MAP9: variants seen among roughly 807,000 people sequenced by gnomAD.
MAP9 encodes microtubule-associated protein 9.
MAP9 carries 80 observed loss-of-function variants against 75.2 expected under a neutral mutation model. That is an observed-to-expected ratio of 1.06 (90% CI 0.89 to 1.28). The LOEUF (loss-of-function observed/expected upper bound fraction) is 1.28. MAP9 is among the 50% of genes most tolerant of loss of function. MAP9 has a pLI of 0.00. For missense variants in MAP9, 753 were observed against 719.9 expected (o/e 1.05, Z -0.53); for synonymous variants, 235 against 237.3 (o/e 0.99, Z 0.09).
chr4:155,350,237 T>C (rs1357515453), intron 13 of MAP9: 1 of 453,204 alleles, frequency 2.2e-6, no homozygotes. Context: ...TTTTCTATTC[T>C]ATCTGCAAAC....
Position 155,352,524 on chromosome 4 carries a change from T to C in MAP9, c.1821+72A>G, listed in dbSNP as rs879106068. 30 of 1,475,110 alleles carry C rather than the reference T, an allele frequency of 2.0e-5. No homozygotes were observed. The South Asian group carries it at 3.2e-4, about 16-fold the overall frequency. The allele number at this position is 1,475,110 out of a possible 1,614,324, so 91.4% of individuals were successfully genotyped here. ...ATCAGTAGGTCTGGAGCAAATAGAA[T>C]TAGAATTAGGGACAGAAAAGACACA... is the stretch of plus-strand genomic sequence containing the variant. On this transcript the variant is annotated intron_variant, in intron 13 of 13. Transcript: ENST00000311277.
intron 5 of MAP9, chr4:155,362,943 A>C (rs1732155117): frequency 6.6e-6 from 1 of 152,204 alleles, no homozygotes; most frequent in African/African-American, 2.4e-5. Flanking sequence ...GGAGATCTGC[A>C]AATTAGTAGC....
chr4:155,376,605 T>G (rs1157587565), intron 1 of MAP9, 166 bp downstream of exon 1: 3 of 152,650 alleles, frequency 2.0e-5, no homozygotes, highest in Non-Finnish European at 4.4e-5. Context: ...CCGCGCCGTA[T>G]GCTGAGCACC....
chr4:155,370,742 ACAG>A (rs1392257717), intron 4 of MAP9, among the ~76,000 whole-genome samples: 3 of 152,238 alleles, frequency 2.0e-5, no homozygotes, highest in Non-Finnish European at 2.9e-5. Context: ...GGCACAATGT[ACAG>A]CAGATCTCTA....
intron 4 of MAP9, among the ~76,000 whole-genome samples, chr4:155,372,712 G>A (rs1732655173): frequency 6.6e-6 from 1 of 152,216 alleles, no homozygotes; most frequent in Admixed American, 6.5e-5. Context: ...GGCAAAGACT[G>A]TTAGAAGGAT....
chr4:155,357,089 G>A (rs924146234), intron 8 of MAP9: 1 of 198,502 alleles, frequency 5.0e-6, no homozygotes, highest in African/African-American at 2.4e-5. Flanking sequence ...CTTGTCTCAG[G>A]AAAAGTAGGA....
Position 155,343,016 on chromosome 4 carries a change from T to C in MAP9, c.*4767A>G, listed in dbSNP as rs1354604207. On this transcript the variant is annotated 3_prime_UTR_variant, in exon 14 of 14. Coordinates refer to ENST00000311277, the MANE Select transcript of MAP9 (RefSeq NM_001039580.2). ...AACAAATTGCCCATTAACAATGAAA[T>C]TGTAGTTACAGCATCTAAAATTATT... 3 of 152,046 alleles carry C rather than the reference T, an allele frequency of 2.0e-5. No individual in the cohort carries two copies. The highest frequency in any genetic ancestry group is 7.2e-5 in the African/African-American group (3 of 41,442). 9.4% of individuals were successfully genotyped at this position (152,046 alleles called of 1,614,324 possible). A position where few individuals can be genotyped will look rare whatever the true frequency, so the allele number is the denominator to read the frequency against.
At chr4:155,355,907 A>C in intron 8 of MAP9, 23 bp from the exon 9 acceptor site, 1 of 1,587,062 alleles carries the variant, frequency 6.3e-7, no homozygotes. Flanking sequence ...AAATGAATCA[A>C]GACAAAATAT....
intron 5 of MAP9, among the ~76,000 whole-genome samples, chr4:155,364,980 A>G (rs1440697373): frequency 6.6e-6 from 1 of 151,988 alleles, no homozygotes; most frequent in Admixed American, 6.5e-5. Context: ...AATAAAAACA[A>G]TAATTTTAAA....
rs202035471 is a variant in MAP9, at chr4:155,353,220, T to C, written c.1501A>G (p.Thr501Ala). The C allele has an allele frequency of 1.2e-6, 2 of 1,602,630 alleles. No individual in the cohort carries two copies. The highest frequency in any genetic ancestry group is 3.4e-5 in the Admixed American group (2 of 58,134). ...TTTCTTGCAGCATTTTCTTCTTCAG[T>C]TTTCTTCTTGTTTTTTTCTTCAAGC... ...KRLEEKNKKK[T>A]EEENAARKGE... The change falls in exon 11 of 14, where the codon ACT becomes GCT. Residue 501 changes from threonine to alanine, a missense_variant. Physicochemically the swap from Thr to Ala is moderately conservative, Grantham distance 58 (BLOSUM62 0). Transcript: ENST00000311277.
rs182193098 is a variant in MAP9 at position 155,355,771 on chromosome 4, T to A, written c.1235A>T (p.Gln412Leu). ...TLKVLDQKPS[Q>L]KQSIEPDRAD... Reference sequence around the variant, plus strand: ...TCTATCAGGTTCTATGCTCTGTTTCTGTGAAGGTTTTTGGTCCAAGACTTT... The same window carrying A: ...TCTATCAGGTTCTATGCTCTGTTTCAGTGAAGGTTTTTGGTCCAAGACTTT... The change falls in exon 9 of 14, where the codon CAG becomes CTG. Residue 412 changes from glutamine to leucine, a missense_variant. Transcript: ENST00000311277. The A allele has an allele frequency of 8.1e-6, 13 of 1,614,048 alleles. No individual in the cohort carries two copies. The East Asian group carries it at 2.9e-4, about 36-fold the overall frequency.
chr4:155,367,082 C>A (rs982584082), intron 5 of MAP9, among the ~76,000 whole-genome samples: 6 of 152,126 alleles, frequency 3.9e-5, no homozygotes, highest in African/African-American at 1.2e-4. Flanking sequence ...CCCGGGAATG[C>A]TAGGTTTAAC....
intron 5 of MAP9, chr4:155,368,202 T>C (rs975953608): frequency 3.3e-6 from 1 of 307,464 alleles, no homozygotes; most frequent in Non-Finnish European, 5.9e-6. Context: ...TAGCCATAAA[T>C]TACATAATTC....
chr4:155,370,945 C>T (rs1038914176), intron 4 of MAP9, among the ~76,000 whole-genome samples: 1 of 152,086 alleles, frequency 6.6e-6, no homozygotes, highest in African/African-American at 2.4e-5. Context: ...ACTATTATCC[C>T]GTTTTTAAAG....
chr4:155,352,751 C>A, intron 12 of MAP9, 23 bp from the exon 13 acceptor site: 1 of 1,482,324 alleles, frequency 6.7e-7, no homozygotes, highest in Admixed American at 2.2e-5. Flanking sequence ...GTATAAAACA[C>A]TGGAGAGTTA....
At chr4:155,375,265 C>G (rs560317180) in intron 2 of MAP9, among the ~76,000 whole-genome samples, 14 of 152,268 alleles carry the variant, frequency 9.2e-5, no homozygotes, top group African/African-American at 3.4e-4. Flanking sequence ...AGGAGACACA[C>G]ATTATGGAAC....
In MAP9 at chr4:155,345,209, G is replaced by C. The variant is rs1050074533; in HGVS notation, c.*2574C>G. On this transcript the variant is annotated 3_prime_UTR_variant, in exon 14 of 14. Transcript: ENST00000311277. ...ATTTTCACCCACCTCCCCGAACTCA[G>C]CTTTATTTGTGCTAGAAGAGGTGAT... is the stretch of plus-strand genomic sequence containing the variant. 6.6e-6 allele frequency: 1 copy of C among 151,920 alleles called. No individual in the cohort carries two copies. The highest frequency in any genetic ancestry group is 3.2e-3 in the Middle Eastern group (1 of 316). 9.4% of individuals were successfully genotyped at this position (151,920 alleles called of 1,614,324 possible).
chr4:155,364,802 A>G (rs1170329285), intron 5 of MAP9, among the ~76,000 whole-genome samples: 1 of 151,426 alleles, frequency 6.6e-6, no homozygotes, highest in Non-Finnish European at 1.5e-5. Flanking sequence ...TACAATATCA[A>G]TTCTAAATAG....
At chr4:155,358,259 G>T (rs560730048) in intron 7 of MAP9, among the ~76,000 whole-genome samples, 2 of 152,078 alleles carry the variant, frequency 1.3e-5, no homozygotes, top group Admixed American at 6.6e-5. Flanking sequence ...TATAAACTCC[G>T]GAATATCCTT....
Sources: gnomAD v4.1 joint callset for allele counts (sites outside exome capture counted in the v4.1 genomes callset) on GRCh38, gnomAD v4.1.1 for gene constraint, MANE v1.5 for transcripts, NCBI Gene and HGNC (gene_info 2026-07-23, HGNC 2026-07-21) for gene names.